Variants in ACSM3 observed in about 807,000 individuals in gnomAD.
ACSM3 encodes acyl-coenzyme A synthetase ACSM3, mitochondrial.
Under a neutral mutation model 74.1 loss-of-function variants are expected in ACSM3, and 61 were observed. The ratio of observed to expected loss-of-function variants is 0.82; its 90% CI spans 0.67 to 1.02. ACSM3 has a LOEUF of 1.02. Among genes scored for constraint, ACSM3 ranks in the 50% least tolerant of loss-of-function variants. The pLI is 0.00. For missense variants in ACSM3, 660 were observed against 697.0 expected (o/e 0.95, Z 0.60); for synonymous variants, 213 against 241.5 (o/e 0.88, Z 1.09).
intron 1 of ACSM3, chr16:20,737,221 C>T: frequency 9.9e-6 from 16 of 1,614,184 alleles, no homozygotes; most frequent in Non-Finnish European, 1.4e-5. Context: ...ATGATTTCTA[C>T]TACCACTGTG....
chr16:20,746,811 C>A (rs234268), intron 1 of ACSM3, among the ~76,000 whole-genome samples: 151,813 of 152,278 alleles, frequency 1, 75,676 homozygotes, highest in East Asian at 1. Flanking sequence ...ACCTCTAATT[C>A]ATTTCATTCC....
chr16:20,725,466 G>T, intron 1 of ACSM3: 1 of 207,796 alleles, frequency 4.8e-6, no homozygotes, highest in South Asian at 1.1e-4. Flanking sequence ...ATTTCCACTT[G>T]AACCACAAAT....
intron 7 of ACSM3, among the ~76,000 whole-genome samples, chr16:20,782,251 T>C (rs974600772): frequency 6.6e-6 from 1 of 152,210 alleles, no homozygotes; most frequent in African/African-American, 2.4e-5. Flanking sequence ...TTTTGTTTTG[T>C]TTTGTTTCAA....
At chr16:20,727,122 T>C (rs9927918) in intron 1 of ACSM3, among the ~76,000 whole-genome samples, 93,861 of 152,096 alleles carry the variant, frequency 0.62, 30,110 homozygotes, top group Non-Finnish European at 0.72. Flanking sequence ...TCTGCTAAAA[T>C]GTAAGCTGTC....
intron 1 of ACSM3, among the ~76,000 whole-genome samples, chr16:20,686,347 T>C (rs1230422222): frequency 2.0e-5 from 3 of 152,084 alleles, no homozygotes; most frequent in Non-Finnish European, 2.9e-5. Context: ...AATAGCTTCA[T>C]GGGAGGTCTA....
chr16:20,742,809 ATATATTTT>A (rs1268071840), intron 1 of ACSM3, among the ~76,000 whole-genome samples: 5 of 93,370 alleles, frequency 5.4e-5, no homozygotes, highest in African/African-American at 7.2e-5. Flanking sequence ...ATATATATAT[ATATATTTT>A]TTTTTTTTCC....
intron 1 of ACSM3, chr16:20,736,687 G>A (rs984225291): frequency 9.8e-6 from 6 of 609,252 alleles, no homozygotes; most frequent in African/African-American, 3.7e-5. Flanking sequence ...CTGCCTCTAC[G>A]TAATACCATA....
rs1392063669 is a variant in ACSM3, at chr16:20,785,076, A to G, written c.1112A>G (p.Asp371Gly). 2 of 1,613,602 alleles carry G rather than the reference A, an allele frequency of 1.2e-6. No individual in the cohort carries two copies. The highest frequency in any genetic ancestry group is 1.7e-6 in the Non-Finnish European group (2 of 1,179,670). ...AAATGGAGAAACAAGACGGGCCTGG[A>G]TATCTACGAAGGATATGGACAGACT... ...TEKWRNKTGL[D>G]IYEGYGQTET... Residue 371 changes from aspartate to glycine, a missense_variant, in exon 8 of 14, where the codon GAT becomes GGT. Coordinates refer to ENST00000289416, the MANE Select transcript of ACSM3 (RefSeq NM_005622.4).
chr16:20,795,182 T>G (rs2080695802), intron 12 of ACSM3, among the ~76,000 whole-genome samples: 1 of 151,818 alleles, frequency 6.6e-6, no homozygotes, highest in South Asian at 2.1e-4. Context: ...AATGTTCAAG[T>G]GTTGTTGTTG....
intron 1 of ACSM3, chr16:20,749,816 G>T (rs957439218): frequency 6.6e-6 from 1 of 152,234 alleles, no homozygotes; most frequent in Non-Finnish European, 1.5e-5. Context: ...CTCCAATCTT[G>T]TTTCCTCGCC....
chr16:20,783,414 A>T (rs993528825), intron 7 of ACSM3: 1 of 152,154 alleles, frequency 6.6e-6, no homozygotes. Flanking sequence ...TATTTGCATT[A>T]TACTGGTTGG....
intron 1 of ACSM3, chr16:20,728,519 T>C (rs2079814702): frequency 4.7e-6 from 4 of 858,804 alleles, no homozygotes; most frequent in Middle Eastern, 2.4e-4. Flanking sequence ...TAGTCATGTC[T>C]TAATACAGAC....
intron 1 of ACSM3, among the ~76,000 whole-genome samples, chr16:20,742,979 C>T (rs1313127908): frequency 7.1e-6 from 1 of 140,394 alleles, no homozygotes; most frequent in Non-Finnish European, 1.5e-5. Context: ...CTCGCTCTGT[C>T]GCCCAGGCTG....
At chr16:20,769,440 A>T (rs993130864) in intron 1 of ACSM3, among the ~76,000 whole-genome samples, 1 of 152,234 alleles carries the variant, frequency 6.6e-6, no homozygotes, top group Admixed American at 6.5e-5. Context: ...GCAACCTATC[A>T]ACTAGACAGT....
chr16:20,741,807 G>C (rs1380703800), intron 1 of ACSM3: 3 of 1,543,444 alleles, frequency 1.9e-6, no homozygotes, highest in Non-Finnish European at 1.7e-6. Context: ...TCTATCGCCG[G>C]CGCGAACTGG....
chr16:20,711,434 C>A, intron 1 of ACSM3: 1 of 896,732 alleles, frequency 1.1e-6, no homozygotes, highest in Non-Finnish European at 1.7e-6. Flanking sequence ...CACAGAGTCT[C>A]ACTTAAGGGA....
At chr16:20,731,262 G>A (rs766881077) in intron 1 of ACSM3, among the ~76,000 whole-genome samples, 3 of 152,124 alleles carry the variant, frequency 2.0e-5, no homozygotes, top group African/African-American at 4.8e-5. Context: ...AGCTCCATTT[G>A]TCCCCCTGGT....
At chr16:20,731,776 C>G in intron 1 of ACSM3, 1 of 310,260 alleles carries the variant, frequency 3.2e-6, no homozygotes, top group Non-Finnish European at 5.8e-6. Context: ...TTGGATGTTA[C>G]CAAACTAAGA....
chr16:20,704,336 C>CT (rs1329177476), intron 1 of ACSM3, among the ~76,000 whole-genome samples: 2 of 152,120 alleles, frequency 1.3e-5, no homozygotes, highest in Non-Finnish European at 2.9e-5. Context: ...AGATTTTTAG[C>CT]TACTGCCCAG....
Sources: allele counts gnomAD v4.1 joint callset (sites outside exome capture counted in the v4.1 genomes callset), GRCh38; gene constraint gnomAD v4.1.1; transcripts MANE v1.5; gene names NCBI Gene and HGNC (gene_info 2026-07-23, HGNC 2026-07-21).